RPRD1B: variants seen among roughly 807,000 people sequenced by gnomAD.
The protein encoded by RPRD1B is regulation of nuclear pre-mRNA domain-containing protein 1B.
In RPRD1B, 11 loss-of-function variants were observed where a neutral mutation model predicts 41.5. The ratio of observed to expected loss-of-function variants is 0.27; its 90% confidence interval spans 0.17 to 0.44. The LOEUF is 0.44. Among genes scored for constraint, RPRD1B ranks in the 20% least tolerant of loss-of-function variants. RPRD1B has a pLI of 1.00. For synonymous variants in RPRD1B, 158 were observed against 155.6 expected (o/e 1.02, Z -0.12); for missense variants, 248 against 389.9 (o/e 0.64, Z 3.06).
chr20:38,060,041 G>T (rs534240032), intron 5 of RPRD1B, among the ~76,000 whole-genome samples: 1 of 152,298 alleles, frequency 6.6e-6, no homozygotes, highest in African/African-American at 2.4e-5. Context: ...CACGATTCCT[G>T]CTTTCCTTAT....
intron 6 of RPRD1B, among the ~76,000 whole-genome samples, chr20:38,079,099 G>A (rs1435207081): frequency 2.6e-5 from 4 of 152,106 alleles, no homozygotes; most frequent in Non-Finnish European, 5.9e-5. Context: ...GATTCAAATG[G>A]AACAGTTTAG....
In RPRD1B at chr20:38,091,037, T is replaced by G; in HGVS notation, c.*1162T>G. The G allele has an allele frequency of 6.1e-6, 6 of 985,438 alleles. No homozygotes were observed. Among genetic ancestry groups the G allele is most frequent in the Non-Finnish European group, 7.2e-6 (6 of 829,556 alleles). The allele number at this position is 985,438 out of a possible 1,614,324, so 61.0% of individuals were successfully genotyped here. A position where few individuals can be genotyped will look rare whatever the true frequency, so the allele number is the denominator to read the frequency against. On this transcript the variant is annotated 3_prime_UTR_variant, in exon 7 of 7. Transcript: ENST00000373433. ...GTTTTAATTCTATTATCATGTCAGC[T>G]GACATTATGACTATATAATGTAGTT...
chr20:38,049,971 C>T (rs2074168156), intron 3 of RPRD1B, among the ~76,000 whole-genome samples: 1 of 152,234 alleles, frequency 6.6e-6, no homozygotes, highest in African/African-American at 2.4e-5. Flanking sequence ...TTTCCATCTG[C>T]TGTTACCTCT....
intron 6 of RPRD1B, among the ~76,000 whole-genome samples, chr20:38,075,913 C>A (rs372457665): frequency 9.9e-5 from 15 of 152,190 alleles, no homozygotes; most frequent in African/African-American, 3.6e-4. Context: ...TATCTTTAAA[C>A]ATCTGTAGGA....
At chr20:38,070,138 A>G in intron 6 of RPRD1B, 1 of 929,858 alleles carries the variant, frequency 1.1e-6, no homozygotes, top group Non-Finnish European at 1.3e-6. Context: ...CCTTTGTACT[A>G]CTTTTCTTTT....
chr20:38,086,002 G>A (rs1983363379), intron 6 of RPRD1B, among the ~76,000 whole-genome samples: 1 of 152,080 alleles, frequency 6.6e-6, no homozygotes, highest in African/African-American at 2.4e-5. Context: ...ACCACGCTTG[G>A]CTAATTTTGC....
chr20:38,044,179 A>G (rs1438738454), intron 2 of RPRD1B, among the ~76,000 whole-genome samples: 1 of 152,164 alleles, frequency 6.6e-6, no homozygotes, highest in Admixed American at 6.5e-5. Flanking sequence ...CGCTCTGGGT[A>G]TAAGCTTCCG....
intron 6 of RPRD1B, among the ~76,000 whole-genome samples, chr20:38,075,491 A>C (rs1422448635): frequency 6.6e-6 from 1 of 152,216 alleles, no homozygotes; most frequent in Non-Finnish European, 1.5e-5. Flanking sequence ...GATTGCAGAA[A>C]TTTGAGCTGC....
intron 6 of RPRD1B, among the ~76,000 whole-genome samples, chr20:38,081,019 A>G (rs2074507679): frequency 6.6e-6 from 1 of 152,186 alleles, no homozygotes; most frequent in Non-Finnish European, 1.5e-5. Context: ...CTCAGAATCA[A>G]TTTTAGAATA....
At position 38,057,548 on chromosome 20, in the gene RPRD1B, A is replaced by T; in HGVS notation, c.432A>T (p.Lys144Asn). 1 of 1,613,658 alleles carries T rather than the reference A, an allele frequency of 6.2e-7. No individual in the cohort carries two copies. Among genetic ancestry groups the T allele is most frequent in the East Asian group, 2.2e-5 (1 of 44,888 alleles). ...TTTGTCTAGCAACAGAAGAGAAGAA[A>T]TCTCTGAAACGAACTTTTCAGCAAA... is the stretch of plus-strand genomic sequence containing the variant. The part of the protein sequence containing the change: ...SPPPKATEEK[K>N]SLKRTFQQIQ... The change falls in exon 4 of 7, where the codon AAA becomes AAT. Residue 144 changes from lysine (K) to asparagine (N), a missense_variant. Lys to Asn is a moderately conservative substitution (Grantham distance 94). This residue lies in a region of RPRD1B where 94 missense variants were observed against 82.3 expected (regional missense o/e 1.14). Transcript: ENST00000373433.
chr20:38,035,297 A>G (rs1475058686), intron 1 of RPRD1B, among the ~76,000 whole-genome samples: 1 of 152,236 alleles, frequency 6.6e-6, no homozygotes, highest in Non-Finnish European at 1.5e-5. Context: ...AATGAAGCTC[A>G]GAGCTGCTCC....
chr20:38,037,034 C>T (rs1244685508), intron 1 of RPRD1B, among the ~76,000 whole-genome samples: 1 of 152,172 alleles, frequency 6.6e-6, no homozygotes, highest in East Asian at 1.9e-4. Context: ...GGATTCTGTG[C>T]CCTAATGTTC....
chr20:38,047,961 T>C (rs2074136611), intron 2 of RPRD1B, among the ~76,000 whole-genome samples: 1 of 152,198 alleles, frequency 6.6e-6, no homozygotes, highest in Non-Finnish European at 1.5e-5. Flanking sequence ...AAACATCTGG[T>C]TTTTTAAAAT....
intron 6 of RPRD1B, among the ~76,000 whole-genome samples, 195 bp from the exon 7 acceptor site, chr20:38,089,531 T>C (rs999866356): frequency 3.3e-5 from 5 of 152,214 alleles, no homozygotes; most frequent in African/African-American, 1.2e-4. Flanking sequence ...TATGGCACTC[T>C]GCGTTCCTTT....
chr20:38,076,056 A>G (rs552223764), intron 6 of RPRD1B, among the ~76,000 whole-genome samples: 34 of 152,340 alleles, frequency 2.2e-4, no homozygotes, highest in Non-Finnish European at 4.7e-4. Flanking sequence ...GGGTTTGGAC[A>G]GTAATTATGA....
chr20:38,073,078 T>G (rs1461548277), intron 6 of RPRD1B, among the ~76,000 whole-genome samples: 2 of 152,230 alleles, frequency 1.3e-5, no homozygotes, highest in East Asian at 3.8e-4. Flanking sequence ...TTTGTACTTT[T>G]GTTTTGATTT....
At chr20:38,049,860 T>A (rs1251050522) in intron 3 of RPRD1B, 1 of 470,984 alleles carries the variant, frequency 2.1e-6, no homozygotes, top group Non-Finnish European at 4.4e-6. Flanking sequence ...AGCCTGTTTT[T>A]CCAGATTCTT....
At chr20:38,083,934 T>TC (rs1386237614) in intron 6 of RPRD1B, 1 of 152,056 alleles carries the variant, frequency 6.6e-6, no homozygotes, top group Admixed American at 6.6e-5. Context: ...GAGGTGCAGG[T>TC]CAGTGATGGT....
intron 1 of RPRD1B, among the ~76,000 whole-genome samples, chr20:38,035,716 T>C (rs2073995716): frequency 6.6e-6 from 1 of 152,072 alleles, no homozygotes; most frequent in Non-Finnish European, 1.5e-5. Context: ...AGAATTCTAT[T>C]GGGTGGGACC....
Sources: allele counts gnomAD v4.1 joint callset (sites outside exome capture counted in the v4.1 genomes callset), GRCh38; gene constraint gnomAD v4.1.1; regional missense constraint gnomAD v4.1.1; transcripts MANE v1.5; gene names NCBI Gene and HGNC (gene_info 2026-07-23, HGNC 2026-07-21).